The following BMS1 variants were observed in gnomAD, a reference collection of about 807,000 sequenced individuals.
BMS1 encodes the protein BMS1 ribosome biogenesis factor, also known as ribosome biogenesis protein BMS1 homolog.
A neutral mutation model predicts 138.7 loss-of-function variants in BMS1; 53 were observed. The observed-to-expected ratio is 0.38, with a 90% CI of 0.31 to 0.48. The LOEUF is 0.48. Ranked by LOEUF, BMS1 falls within the 20% of genes least tolerant of loss-of-function variation. The pLI is 0.97. For missense variants in BMS1, 1,360 were observed against 1,565.5 expected, an observed-to-expected ratio of 0.87 and a Z score of 2.22; for synonymous variants, 504 against 539.9, an observed-to-expected ratio of 0.93 and a Z score of 0.92.
Position 42,833,778 on chromosome 10 carries a change from C to T in BMS1, c.*2682C>T, listed in dbSNP as rs1404847898. On this transcript the variant is annotated 3_prime_UTR_variant, in exon 23 of 23. Coordinates refer to ENST00000374518, the MANE Select transcript of BMS1 (RefSeq NM_014753.4). ...ACCAGACTGGAGAGTGTGTAAATTA[C>T]TTTTCAATACTAATGGCTTATTAAT... 6.6e-6 allele frequency: 1 copy of T among 152,164 alleles called. No homozygotes were observed. Among genetic ancestry groups the T allele is most frequent in the Non-Finnish European group, 1.5e-5 (1 of 68,036 alleles). The allele number at this position is 152,164 out of a possible 1,614,324, so 9.4% of individuals were successfully genotyped here.
chr10:42,785,388 G>A (rs191095920), intron 2 of BMS1, 94 bp from the exon 3 acceptor site: 666 of 1,102,110 alleles, frequency 6.0e-4, no homozygotes, highest in South Asian at 7.7e-4. Context: ...AGCTATAAGT[G>A]TACCAAAAAA....
chr10:42,809,767 T>C (rs1008720886), intron 13 of BMS1, among the ~76,000 whole-genome samples: 1 of 152,108 alleles, frequency 6.6e-6, no homozygotes, highest in Admixed American at 6.6e-5. Context: ...CATTCTTTAC[T>C]CTTTTGATAT....
rs749732067 is a variant in BMS1 at position 42,830,409 on chromosome 10, C to T, written c.3605C>T (p.Pro1202Leu). ...DRRRPAVIRE[P>L]HERKILALLD... Reference sequence around the variant, plus strand: ...CGGAGACCGGCCGTCATACGCGAGCCTCATGAAAGAAAGGTACTGTTGCCC... The same window carrying T: ...CGGAGACCGGCCGTCATACGCGAGCTTCATGAAAGAAAGGTACTGTTGCCC... The change falls in exon 22 of 23, where the codon CCT (proline) becomes CTT (leucine). Residue 1202 changes from proline to leucine, a missense_variant. Around this residue, in one of 3 missense-constraint regions of BMS1, gnomAD observed 425 missense variants for 568.3 expected, o/e 0.75. Coordinates refer to ENST00000374518, the MANE Select transcript of BMS1 (RefSeq NM_014753.4). 4 of 1,607,670 alleles carry T rather than the reference C, an allele frequency of 2.5e-6. No individual in the cohort carries two copies. The Admixed American group carries it at 5.2e-5, about 21-fold the overall frequency.
chr10:42,796,665 CTG>C lies in BMS1; in HGVS notation c.1422_1423del (p.Asp475SerfsTer6). Reference sequence around the variant, plus strand: ...GAAGAGGAGGAAAATGCTGAGATGACTGATCAGTATATGGCTGTTAAGGGCAT... The same window carrying C: ...GAAGAGGAGGAAAATGCTGAGATGACATCAGTATATGGCTGTTAAGGGCAT... On this transcript the variant is annotated frameshift_variant, in exon 10 of 23. Coordinates refer to ENST00000374518, the MANE Select transcript of BMS1 (RefSeq NM_014753.4). LOFTEE classifies it high-confidence loss of function. The C allele has an allele frequency of 6.2e-7, 1 of 1,614,148 alleles. No individual in the cohort carries two copies. Among genetic ancestry groups the C allele is most frequent in the South Asian group, 1.1e-5 (1 of 91,070 alleles).
chr10:42,803,164 C>G (rs1027204174), intron 13 of BMS1, among the ~76,000 whole-genome samples: 1 of 152,098 alleles, frequency 6.6e-6, no homozygotes, highest in Non-Finnish European at 1.5e-5. Context: ...ATCACTACAC[C>G]CAGCTAATTT....
rs1052720784 is a variant in BMS1, at chr10:42,811,053, T to A, written c.2330-5546T>A. On this transcript the variant is annotated intron_variant, in intron 13 of 22. Coordinates refer to ENST00000374518, the MANE Select transcript of BMS1 (RefSeq NM_014753.4). ...TGCCCTTTATTTATTATTATTATTT[T>A]TTTTTTGAGACTGAGTTTCACTCTT... is the stretch of plus-strand genomic sequence containing the variant. 1.1e-4 allele frequency among the ~76,000 whole-genome samples: 17 copies of A among 152,278 alleles called. No individual in the cohort carries two copies. The East Asian group carries it at 1.9e-3, about 17-fold the overall frequency.
chr10:42,785,951 G>C (rs1384476753), intron 3 of BMS1, among the ~76,000 whole-genome samples: 1 of 152,190 alleles, frequency 6.6e-6, no homozygotes, highest in African/African-American at 2.4e-5. Context: ...AAGCTTTGCT[G>C]CTCGATTGCG....
Position 42,793,840 on chromosome 10 carries a change from T to C in BMS1, c.1090-12T>C. 2 of 1,600,682 alleles carry C rather than the reference T, an allele frequency of 1.2e-6. No homozygotes were observed. The highest frequency in any genetic ancestry group is 1.7e-6 in the Non-Finnish European group (2 of 1,176,492). On this transcript the variant is annotated splice_polypyrimidine_tract_variant and intron_variant, in intron 8 of 22. Transcript: ENST00000374518. ...GCTTTCCTCACGTGCCCTTTCTTGG[T>C]GGTCTTGACAGGATGAAGTGGGGCC...
chr10:42,816,622 G>T lies in BMS1; in HGVS notation c.2353G>T (p.Asp785Tyr), dbSNP rs1842357109. ...EDEELYGDFEDLETGDVHKGK... is the reference protein window; with the variant it reads ...EDEELYGDFEYLETGDVHKGK... ...AGAGGAGCTCTACGGTGACTTTGAAGACTTGGAAACAGGGGACGTGCACAA... is the reference window on the plus strand; with the variant it reads ...AGAGGAGCTCTACGGTGACTTTGAATACTTGGAAACAGGGGACGTGCACAA... The change falls in exon 14 of 23, where the codon GAC becomes TAC. Residue 785 changes from aspartate to tyrosine, a missense_variant. Transcript: ENST00000374518. The T allele has an allele frequency of 3.7e-6, 6 of 1,611,334 alleles. No individual in the cohort carries two copies. Among genetic ancestry groups the T allele is most frequent in the Non-Finnish European group, 5.1e-6 (6 of 1,179,646 alleles).
At chr10:42,789,709 A>C (rs1021046702) in intron 4 of BMS1, among the ~76,000 whole-genome samples, 5 of 152,118 alleles carry the variant, frequency 3.3e-5, no homozygotes, top group African/African-American at 1.2e-4. Flanking sequence ...TCAACAAAAA[A>C]CAGATTGTGG....
At position 42,832,245 on chromosome 10, in the gene BMS1, C is replaced by CA. The variant is rs1842814405; in HGVS notation, c.*1153dup. 1 of 152,138 alleles carries CA rather than the reference C, an allele frequency of 6.6e-6. No individual in the cohort carries two copies. The allele number at this position is 152,138 out of a possible 1,614,324, so 9.4% of individuals were successfully genotyped here. A position where few individuals can be genotyped will look rare whatever the true frequency, so the allele number is the denominator to read the frequency against. ...TTTGAGACCAACTTGGGCAACATGGCAAAACCTCATCGCTACAAAAAATAA... is the reference window on the plus strand; with the variant it reads ...TTTGAGACCAACTTGGGCAACATGGCAAAAACCTCATCGCTACAAAAAATAA... On this transcript the variant is annotated 3_prime_UTR_variant, in exon 23 of 23. Transcript: ENST00000374518.
chr10:42,825,120 T>A lies in BMS1; in HGVS notation c.3456+1336T>A, dbSNP rs537664483. Among the ~76,000 whole-genome samples the A allele has an allele frequency of 1.4e-4, 22 of 152,296 alleles. 1 individual carries two copies. Among genetic ancestry groups the A allele is most frequent in the Non-Finnish European group, 1.2e-4 (8 of 68,026 alleles). On this transcript the variant is annotated intron_variant, in intron 21 of 22. Transcript: ENST00000374518. The stretch of plus-strand genomic sequence containing the variant: ...GCCTCCTGGATTCAAGCAATTCTCC[T>A]GCCTCAGCCTCCCAAGTAGCTGGGA...
intron 14 of BMS1, among the ~76,000 whole-genome samples, chr10:42,816,957 C>A (rs904407246): frequency 1.3e-5 from 2 of 152,218 alleles, no homozygotes; most frequent in Non-Finnish European, 2.9e-5. Flanking sequence ...CCATTGGCAT[C>A]ATTCTCCTTT....
At chr10:42,790,767 T>G (rs182842175) in intron 5 of BMS1, among the ~76,000 whole-genome samples, 2 of 152,068 alleles carry the variant, frequency 1.3e-5, no homozygotes, top group Non-Finnish European at 2.9e-5. Flanking sequence ...TGAGAATTGC[T>G]TGAACCTAGG....
intron 21 of BMS1, among the ~76,000 whole-genome samples, chr10:42,824,218 A>G (rs1328504525): frequency 6.6e-6 from 1 of 152,146 alleles, no homozygotes; most frequent in Non-Finnish European, 1.5e-5. Context: ...CCCTCATGAT[A>G]TACACTAGAT....
chr10:42,825,031 CAA>C, intron 21 of BMS1, among the ~76,000 whole-genome samples: 1 of 151,522 alleles, frequency 6.6e-6, no homozygotes, highest in Non-Finnish European at 1.5e-5. Flanking sequence ...TTTTTTGAGG[CAA>C]AGTCTCACTC....
chr10:42,833,435 C>A lies in BMS1; in HGVS notation c.*2339C>A, dbSNP rs571679489. On this transcript the variant is annotated 3_prime_UTR_variant, in exon 23 of 23. Coordinates refer to ENST00000374518, the MANE Select transcript of BMS1 (RefSeq NM_014753.4). ...TTAGGCAATTTTGTCATTGTGTAAA[C>A]ATCATAGAGTGACACACAAACCTAG... 1.3e-5 allele frequency: 2 copies of A among 152,208 alleles called. No individual in the cohort carries two copies. The highest frequency in any genetic ancestry group is 4.2e-4 in the South Asian group (2 of 4,804). The allele number at this position is 152,208 out of a possible 1,614,324, so 9.4% of individuals were successfully genotyped here. A position where few individuals can be genotyped will look rare whatever the true frequency, so the allele number is the denominator to read the frequency against.
chr10:42,831,741 C>T lies in BMS1; in HGVS notation c.*645C>T, dbSNP rs953869220. The stretch of plus-strand genomic sequence containing the variant: ...GTAAGTACTTTTTTAAAGCTTTAGA[C>T]TTAGGAGATTATTGTCTCAGGTGCA... On this transcript the variant is annotated 3_prime_UTR_variant, in exon 23 of 23. Coordinates refer to ENST00000374518, the MANE Select transcript of BMS1 (RefSeq NM_014753.4). 1.3e-5 allele frequency: 2 copies of T among 152,304 alleles called. No individual in the cohort carries two copies. The highest frequency in any genetic ancestry group is 4.8e-5 in the African/African-American group (2 of 41,408). The allele number at this position is 152,304 out of a possible 1,614,324, so 9.4% of individuals were successfully genotyped here. A position where few individuals can be genotyped will look rare whatever the true frequency, so the allele number is the denominator to read the frequency against.
chr10:42,787,315 G>C (rs10900269), intron 4 of BMS1, 68 bp downstream of exon 4: 10 of 943,950 alleles, frequency 1.1e-5, no homozygotes, highest in Non-Finnish European at 1.7e-5. Flanking sequence ...TATTTACCCC[G>C]TGATGAAGGG....
Sources: allele counts gnomAD v4.1 joint callset (sites outside exome capture counted in the v4.1 genomes callset), GRCh38; gene constraint gnomAD v4.1.1; regional missense constraint gnomAD v4.1.1; transcripts MANE v1.5; gene names NCBI Gene and HGNC (gene_info 2026-07-23, HGNC 2026-07-21).